SLC30A2: variants seen among roughly 807,000 people sequenced by gnomAD.
SLC30A2 encodes proton-coupled zinc antiporter SLC30A2.
Under a neutral mutation model 39.6 loss-of-function variants are expected in SLC30A2, and 19 were observed. That is an observed-to-expected ratio of 0.48 (90% CI 0.34 to 0.70). The LOEUF is 0.70. Among genes scored for constraint, SLC30A2 ranks in the 30% least tolerant of loss-of-function variants. The pLI is 0.01. For synonymous variants in SLC30A2, 195 were observed against 194.8 expected (o/e 1.00, Z -0.01); for missense variants, 387 against 479.4 (o/e 0.81, Z 1.80).
In SLC30A2 at chr1:26,039,415, G is replaced by A; in HGVS notation, c.974-110C>T. On this transcript the variant is annotated intron_variant, in intron 7 of 7. Transcript: ENST00000374276. The surrounding 1 kb of genome is among the most constrained non-coding windows in gnomAD (Gnocchi z 4.3). ...CCAGCAGAACAGGATGGGGGACCAT[G>A]AACATGGAGAAGCCCCCAGATTCCA... 1.2e-6 allele frequency: 1 copy of A among 803,808 alleles called. No individual in the cohort carries two copies. Among genetic ancestry groups the A allele is most frequent in the Non-Finnish European group, 2.0e-6 (1 of 508,254 alleles). The allele number at this position is 803,808 out of a possible 1,614,324, so 49.8% of individuals were successfully genotyped here. A position where few individuals can be genotyped will look rare whatever the true frequency, so the allele number is the denominator to read the frequency against.
At position 26,044,916 on chromosome 1, in the gene SLC30A2, G is replaced by A. The variant is rs974782722; in HGVS notation, c.271+81C>T. On this transcript the variant is annotated intron_variant, in intron 2 of 7. Coordinates refer to ENST00000374276, the MANE Select transcript of SLC30A2 (RefSeq NM_001004434.3). The stretch of plus-strand genomic sequence containing the variant: ...TTACTGTAGTGTGTGTTCAGTAATT[G>A]GGGCTTTTAGTGTCAGTATTGCTGG... The A allele has an allele frequency of 1.2e-5, 13 of 1,129,418 alleles. No individual in the cohort carries two copies. The East Asian group carries it at 2.8e-4, about 25-fold the overall frequency. The allele number at this position is 1,129,418 out of a possible 1,614,324, so 70.0% of individuals were successfully genotyped here. A position where few individuals can be genotyped will look rare whatever the true frequency, so the allele number is the denominator to read the frequency against.
rs772867032 is a variant in SLC30A2, at chr1:26,042,560, A to C, written c.721T>G (p.Leu241Val). 9.9e-6 allele frequency: 16 copies of C among 1,613,824 alleles called. No homozygotes were observed. In the Admixed American group the frequency reaches 2.7e-4, roughly 27 times the overall value. ...SMGVLVAAYI[L>V]YFKPEYKYVD... ...GTCCCAGCTCTGACCTTGAAGTATA[A>C]AATATAGGCTGCCACTAGGACACCC... Residue 241 changes from leucine (L) to valine (V), a missense_variant, in exon 5 of 8, where the codon TTA becomes GTA. Leu to Val is a conservative substitution (Grantham distance 32). Transcript: ENST00000374276.
chr1:26,044,690 A>C (rs1303095657), intron 2 of SLC30A2, among the ~76,000 whole-genome samples: 1 of 152,208 alleles, frequency 6.6e-6, no homozygotes, highest in African/African-American at 2.4e-5. Flanking sequence ...GGACTGGAAA[A>C]CATAGCAGAT....
Position 26,045,959 on chromosome 1 carries a change from C to A in SLC30A2, c.-63G>T, listed in dbSNP as rs556531717. Reference sequence around the variant, plus strand: ...CCCGCCGAGTGCGCCCTGAAAGTTGCGCGCGGGACTCCGGGTGGCGCTCAC... The same window carrying A: ...CCCGCCGAGTGCGCCCTGAAAGTTGAGCGCGGGACTCCGGGTGGCGCTCAC... On this transcript the variant is annotated 5_prime_UTR_variant, in exon 1 of 8. Transcript: ENST00000374276. 250 of 1,596,268 alleles carry A rather than the reference C, an allele frequency of 1.6e-4. 1 individual carries two copies. In the East Asian group the frequency reaches 5.5e-3, roughly 35 times the overall value.
At position 26,045,010 on chromosome 1, in the gene SLC30A2, G is replaced by A. The variant is rs766519714; in HGVS notation, c.258C>T (p.Ile86=). ...AAAAGTGCTTACCAACGACTTCTCC[G>A]ATCATGAACAACAGGCAGATGGCAG... The part of the protein sequence containing the change: ...VASAICLLFM[I]GEVVGGYLAH... Residue 86 remains isoleucine, a synonymous_variant, in exon 2 of 8, where the codon ATC becomes ATT. Coordinates refer to ENST00000374276, the MANE Select transcript of SLC30A2 (RefSeq NM_001004434.3). The A allele has an allele frequency of 2.0e-5, 33 of 1,614,030 alleles. No individual in the cohort carries two copies. Among genetic ancestry groups the A allele is most frequent in the African/African-American group, 2.7e-5 (2 of 74,940 alleles).
intron 6 of SLC30A2, 76 bp downstream of exon 6, chr1:26,041,624 A>T (rs1312026660): frequency 1.0e-5 from 9 of 869,496 alleles, no homozygotes; most frequent in Non-Finnish European, 1.7e-5. Context: ...GATGCCCCAG[A>T]CACACACATA....
At chr1:26,042,287 A>G (rs1025703043) in intron 5 of SLC30A2, among the ~76,000 whole-genome samples, 1 of 152,322 alleles carries the variant, frequency 6.6e-6, no homozygotes, top group Non-Finnish European at 1.5e-5. Flanking sequence ...ATCTGGCTCT[A>G]TGCTTTACCG....
chr1:26,043,287 C>G (rs1255360314), intron 4 of SLC30A2, 111 bp downstream of exon 4: 1 of 1,187,890 alleles, frequency 8.4e-7, no homozygotes, highest in Non-Finnish European at 1.2e-6. Flanking sequence ...AGTTCTGTCC[C>G]TGTAGCGTAT....
At chr1:26,044,240 C>A (rs1459084456) in intron 3 of SLC30A2, 58 bp downstream of exon 3, 2 of 1,586,352 alleles carry the variant, frequency 1.3e-6, no homozygotes, top group Non-Finnish European at 1.7e-6. Context: ...ACCTAAGAAC[C>A]CCTGTTCTAA....
At chr1:26,040,001 T>C in intron 6 of SLC30A2, 90 bp from the exon 7 acceptor site, 2 of 1,464,980 alleles carry the variant, frequency 1.4e-6, no homozygotes, top group Non-Finnish European at 1.9e-6. Context: ...TCCTCAGGTG[T>C]CATCCCCTCA....
chr1:26,045,035 G>C lies in SLC30A2; in HGVS notation c.233C>G (p.Ser78Cys), dbSNP rs757131894. The change falls in exon 2 of 8, where the codon TCT becomes TGT. Residue 78 changes from serine (S) to cysteine (C), a missense_variant. Coordinates refer to ENST00000374276, the MANE Select transcript of SLC30A2 (RefSeq NM_001004434.3). ...GKAQRQLYVA[S>C]AICLLFMIGE... ...GATCATGAACAACAGGCAGATGGCAGAGGCTACATACAGCTGGCGCTGGGC... is the reference window on the plus strand; with the variant it reads ...GATCATGAACAACAGGCAGATGGCACAGGCTACATACAGCTGGCGCTGGGC... The C allele has an allele frequency of 3.1e-6, 5 of 1,614,144 alleles. No individual in the cohort carries two copies. The highest frequency in any genetic ancestry group is 4.2e-6 in the Non-Finnish European group (5 of 1,180,058).
rs1275266230 is a variant in SLC30A2, at chr1:26,045,897, G to T, written c.-1C>A. 6 of 1,611,188 alleles carry T rather than the reference G, an allele frequency of 3.7e-6. No homozygotes were observed. The highest frequency in any genetic ancestry group is 3.4e-6 in the Non-Finnish European group (4 of 1,179,604). On this transcript the variant is annotated 5_prime_UTR_variant, in exon 1 of 8. Coordinates refer to ENST00000374276, the MANE Select transcript of SLC30A2 (RefSeq NM_001004434.3). The stretch of plus-strand genomic sequence containing the variant: ...GATGCTGCTTCTCCTTGGCCTCCAT[G>T]CAGTCCCGCGCCGAGTCCCGGCAGC...
chr1:26,042,510 T>A, intron 5 of SLC30A2, 39 bp downstream of exon 5: 1 of 1,584,698 alleles, frequency 6.3e-7, no homozygotes, highest in Non-Finnish European at 8.6e-7. Context: ...TGGTCTACAC[T>A]CCCCTGCCAC....
chr1:26,041,740 G>A lies in SLC30A2; in HGVS notation c.798C>T (p.Thr266=), dbSNP rs763339514. Residue 266 remains threonine, a synonymous_variant, in exon 6 of 8, where the codon ACC becomes ACT. Transcript: ENST00000374276. ...GGATCACATCTCTCAGGATGGTCAA[G>A]GTTGTCCCCAGGACCAGGATGGAGA... ...FVFSILVLGT[T]LTILRDVILV... The A allele has an allele frequency of 6.2e-6, 10 of 1,613,626 alleles. No homozygotes were observed. The African/African-American group carries it at 9.3e-5, about 15-fold the overall frequency.
intron 5 of SLC30A2, among the ~76,000 whole-genome samples, chr1:26,042,247 G>A (rs923930096): frequency 6.6e-6 from 1 of 152,222 alleles, no homozygotes; most frequent in African/African-American, 2.4e-5. Flanking sequence ...GCATTGCCCA[G>A]GGTTTGACAA....
At chr1:26,043,657 G>A (rs2050426021) in intron 3 of SLC30A2, 106 bp from the exon 4 acceptor site, 5 of 1,237,518 alleles carry the variant, frequency 4.0e-6, no homozygotes, top group Non-Finnish European at 5.6e-6. Flanking sequence ...CACAAAGTCA[G>A]GGCCTGGGTC....
chr1:26,041,666 A>C, intron 6 of SLC30A2, 34 bp downstream of exon 6: 1 of 1,304,038 alleles, frequency 7.7e-7, no homozygotes, highest in South Asian at 1.2e-5. Context: ...CTTGAGAGCC[A>C]AGAGCAAAAA....
chr1:26,045,126 G>A lies in SLC30A2; in HGVS notation c.142C>T (p.Gln48Ter). ...TGAGCATGGCAGTGATGGTTGCTCTGGGCAGCCAGCTCAATGGCCTGCAAG... is the reference window on the plus strand; with the variant it reads ...TGAGCATGGCAGTGATGGTTGCTCTAGGCAGCCAGCTCAATGGCCTGCAAG... ...LDLQAIELAA[Q>*]SNHHCHAQKG... Residue 48 changes from glutamine to a stop codon, truncating the protein, a stop_gained, in exon 2 of 8, where the codon CAG (glutamine) becomes TAG (stop). Transcript: ENST00000374276. LOFTEE classifies it high-confidence loss of function. 6.2e-7 allele frequency: 1 copy of A among 1,614,082 alleles called. No homozygotes were observed. The highest frequency in any genetic ancestry group is 8.5e-7 in the Non-Finnish European group (1 of 1,180,024).
At chr1:26,045,571 G>A (rs906303696) in intron 1 of SLC30A2, 10 of 627,394 alleles carry the variant, frequency 1.6e-5, no homozygotes, top group Middle Eastern at 8.8e-4. Flanking sequence ...GGCTGCCTGG[G>A]GCAAAGTGCT....
Sources: gnomAD v4.1 joint callset for allele counts (sites outside exome capture counted in the v4.1 genomes callset) on GRCh38, gnomAD v4.1.1 for gene constraint, Gnocchi (gnomAD v3.1) non-coding constraint, MANE v1.5 for transcripts, NCBI Gene and HGNC (gene_info 2026-07-23, HGNC 2026-07-21) for gene names.